CALD1: variants seen among roughly 807,000 people sequenced by gnomAD.
The protein encoded by CALD1 is caldesmon 1, also known as caldesmon.
CALD1 carries 33 observed loss-of-function variants against 99.9 expected under a neutral mutation model. The ratio of observed to expected loss-of-function variants is 0.33; its 90% CI spans 0.25 to 0.44. CALD1 has a LOEUF of 0.44. Among genes scored for constraint, CALD1 ranks in the 20% least tolerant of loss-of-function variants. The probability of loss-of-function intolerance (pLI) is 1.00; values close to 1 mark genes in which losing one functional copy is unlikely to be tolerated. For synonymous variants in CALD1, 310 were observed against 325.0 expected, an observed-to-expected ratio of 0.95 and a Z score of 0.50; for missense variants, 861 against 962.1, an observed-to-expected ratio of 0.89 and a Z score of 1.39.
chr7:134,968,003 G>A (rs913001801), intron 14 of CALD1, among the ~76,000 whole-genome samples: 5 of 151,904 alleles, frequency 3.3e-5, no homozygotes, highest in African/African-American at 1.2e-4. Context: ...AAAATTAGCC[G>A]GGCGTGGTGG....
At chr7:134,737,638 G>A in the CALD1 span, among the ~76,000 whole-genome samples, 20 of 152,106 alleles carry the variant, frequency 1.3e-4, no homozygotes, top group Non-Finnish European at 2.8e-4. Flanking sequence ...TGGGAGGCAG[G>A]AGGTAGTGCT....
At position 134,947,637 on chromosome 7, in the gene CALD1, C is replaced by G; in HGVS notation, c.1662C>G (p.Leu554=). The change falls in exon 8 of 15, where the codon CTC becomes CTG. Residue 554 remains leucine (L), a synonymous_variant. Coordinates refer to ENST00000361675, the MANE Select transcript of CALD1 (RefSeq NM_033138.4). ...CCGAGAGCGAAGAGTTCGAGAAGCT[C>G]AAACAGAAGCAGCAGGAGGCGGCTT... ...GETESEEFEK[L]KQKQQEAALE... is the part of the protein sequence containing the mutation. The G allele has an allele frequency of 1.9e-6, 3 of 1,573,624 alleles. No homozygotes were observed. Among genetic ancestry groups the G allele is most frequent in the Non-Finnish European group, 2.6e-6 (3 of 1,158,890 alleles).
At chr7:134,912,111 A>C (rs755739676) in intron 3 of CALD1, among the ~76,000 whole-genome samples, 6 of 152,196 alleles carry the variant, frequency 3.9e-5, no homozygotes, top group African/African-American at 1.2e-4. Flanking sequence ...AAAAAGAAAG[A>C]AAGCTTTACT....
At chr7:134,911,706 C>G (rs1563089372) in intron 3 of CALD1, among the ~76,000 whole-genome samples, 1 of 152,200 alleles carries the variant, frequency 6.6e-6, no homozygotes, top group African/African-American at 2.4e-5. Flanking sequence ...AGGTTAGCCT[C>G]ATGATGGCTA....
chr7:134,918,864 T>C (rs1412410879), intron 3 of CALD1, among the ~76,000 whole-genome samples: 1 of 152,114 alleles, frequency 6.6e-6, no homozygotes, highest in Non-Finnish European at 1.5e-5. Flanking sequence ...GATGTGGTGG[T>C]GCACACCTGT....
chr7:134,742,588 C>A (rs1481429145), upstream of CALD1, among the ~76,000 whole-genome samples: 1 of 152,172 alleles, frequency 6.6e-6, no homozygotes, highest in East Asian at 1.9e-4. Flanking sequence ...GCCCCCAGGG[C>A]TGGAAGGTGA....
At chr7:134,737,276 C>A in the CALD1 span, among the ~76,000 whole-genome samples, 2 of 147,974 alleles carry the variant, frequency 1.4e-5, no homozygotes, top group Non-Finnish European at 3.0e-5. Context: ...AGGTGCACAC[C>A]ACCACACCCG....
At chr7:134,938,308 G>T (rs1584620371) in intron 6 of CALD1, among the ~76,000 whole-genome samples, 1 of 152,312 alleles carries the variant, frequency 6.6e-6, no homozygotes, top group East Asian at 1.9e-4. Context: ...ACACATCTCA[G>T]TTCTTGCTTG....
the CALD1 span, among the ~76,000 whole-genome samples, chr7:134,716,790 T>G: frequency 2.2e-4 from 33 of 152,232 alleles, no homozygotes; most frequent in Non-Finnish European, 4.1e-4. Flanking sequence ...GTATTTATAC[T>G]GTAGACTTTG....
At chr7:134,789,434 T>C (rs1335041234) in intron 1 of CALD1, among the ~76,000 whole-genome samples, 2 of 152,234 alleles carry the variant, frequency 1.3e-5, no homozygotes, top group African/African-American at 4.8e-5. Flanking sequence ...TGAGATCTAT[T>C]TGAGAACAAA....
intron 1 of CALD1, among the ~76,000 whole-genome samples, chr7:134,828,168 A>T (rs1799079895): frequency 6.6e-6 from 1 of 152,200 alleles, no homozygotes; most frequent in Non-Finnish European, 1.5e-5. Flanking sequence ...TCTTAACCAT[A>T]TTAGGTTATA....
chr7:134,735,349 T>C, the CALD1 span, among the ~76,000 whole-genome samples: 1 of 152,192 alleles, frequency 6.6e-6, no homozygotes, highest in Non-Finnish European at 1.5e-5. Flanking sequence ...GGAAAGTTCA[T>C]TGCATATTAA....
At chr7:134,938,255 C>G (rs1031822615) in intron 6 of CALD1, among the ~76,000 whole-genome samples, 1 of 152,206 alleles carries the variant, frequency 6.6e-6, no homozygotes, top group African/African-American at 2.4e-5. Flanking sequence ...ACACCCAGCT[C>G]TTGTTGCTAT....
chr7:134,826,794 G>C (rs1799018564), intron 1 of CALD1, among the ~76,000 whole-genome samples: 1 of 152,056 alleles, frequency 6.6e-6, no homozygotes, highest in South Asian at 2.1e-4. Context: ...AAGAGATAAG[G>C]TGGTGGGATG....
At chr7:134,885,728 T>G (rs1295857575) in intron 3 of CALD1, among the ~76,000 whole-genome samples, 1 of 152,214 alleles carries the variant, frequency 6.6e-6, no homozygotes, top group Non-Finnish European at 1.5e-5. Flanking sequence ...CCTGTACCTA[T>G]GAACAACAAA....
At chr7:134,914,449 G>C (rs1419529013) in intron 3 of CALD1, among the ~76,000 whole-genome samples, 2 of 152,166 alleles carry the variant, frequency 1.3e-5, no homozygotes, top group Non-Finnish European at 2.9e-5. Flanking sequence ...GAAACACCTG[G>C]AGTGGAGATT....
intron 3 of CALD1, among the ~76,000 whole-genome samples, chr7:134,894,300 T>C (rs1188128583): frequency 6.6e-6 from 1 of 152,234 alleles, no homozygotes; most frequent in Admixed American, 6.5e-5. Flanking sequence ...AATAAAGTTA[T>C]TGTTGAACAT....
At chr7:134,721,142 C>T in the CALD1 span, among the ~76,000 whole-genome samples, 1 of 152,130 alleles carries the variant, frequency 6.6e-6, no homozygotes, top group South Asian at 2.1e-4. Context: ...CTCCCTGTGT[C>T]CCCCACAGTT....
At chr7:134,764,577 T>G (rs1485605248) in intron 1 of CALD1, among the ~76,000 whole-genome samples, 1 of 152,236 alleles carries the variant, frequency 6.6e-6, no homozygotes, top group African/African-American at 2.4e-5. Context: ...AACTATTAAT[T>G]AATTAGTTGT....
Sources: gnomAD v4.1 joint callset for allele counts (sites outside exome capture counted in the v4.1 genomes callset) on GRCh38, gnomAD v4.1.1 for gene constraint, MANE v1.5 for transcripts, NCBI Gene and HGNC (gene_info 2026-07-23, HGNC 2026-07-21) for gene names.